The following PRKG2 variants were observed in gnomAD, a reference collection of about 807,000 sequenced individuals.
PRKG2 encodes the protein cGMP-dependent protein kinase 2.
Under a neutral mutation model 97.2 loss-of-function variants are expected in PRKG2, and 33 were observed. The ratio of observed to expected loss-of-function variants is 0.34; its 90% confidence interval spans 0.26 to 0.45. The LOEUF is 0.45. Among genes scored for constraint, PRKG2 ranks in the 20% least tolerant of loss-of-function variants. The probability of loss-of-function intolerance (pLI) is 1.00; values close to 1 mark genes in which losing one functional copy is unlikely to be tolerated. For missense variants in PRKG2, 638 were observed against 900.0 expected (o/e 0.71, Z 3.73); for synonymous variants, 330 against 321.8 (o/e 1.03, Z -0.27).
At chr4:81,204,531 C>T in intron 2 of PRKG2, 56 bp downstream of exon 2, 2 of 1,471,056 alleles carry the variant, frequency 1.4e-6, no homozygotes, top group South Asian at 2.6e-5. Flanking sequence ...AAATGTCACT[C>T]TCATATTTCA....
In PRKG2 at chr4:81,215,134, T is replaced by G. The variant is rs557153598; in HGVS notation, c.-212A>C. The G allele has an allele frequency of 6.6e-6, 1 of 152,478 alleles. No homozygotes were observed. The highest frequency in any genetic ancestry group is 2.4e-5 in the African/African-American group (1 of 41,564). The allele number at this position is 152,478 out of a possible 1,614,324, so 9.4% of individuals were successfully genotyped here. A position where few individuals can be genotyped will look rare whatever the true frequency, so the allele number is the denominator to read the frequency against. On this transcript the variant is annotated 5_prime_UTR_variant, in exon 1 of 19. Coordinates refer to ENST00000264399, the MANE Select transcript of PRKG2 (RefSeq NM_006259.3). ...TGCCGGCTCAGTCGCTCCGGCTACG[T>G]GTGAGCCGGGGGCGCGGGTTAGCGC...
At chr4:81,096,393 A>T (rs561215891) in intron 17 of PRKG2, among the ~76,000 whole-genome samples, 34 of 152,172 alleles carry the variant, frequency 2.2e-4, no homozygotes, top group African/African-American at 7.5e-4. Context: ...AAAATTATCC[A>T]GACATGGTGG....
chr4:81,165,929 A>C (rs1256493206), intron 6 of PRKG2, among the ~76,000 whole-genome samples: 1 of 151,928 alleles, frequency 6.6e-6, no homozygotes, highest in African/African-American at 2.4e-5. Flanking sequence ...CTTGGTTAAC[A>C]AAAAAAACTA....
At chr4:81,101,108 A>G (rs997286948) in intron 17 of PRKG2, among the ~76,000 whole-genome samples, 1 of 151,698 alleles carries the variant, frequency 6.6e-6, no homozygotes, top group Non-Finnish European at 1.5e-5. Flanking sequence ...ACACTTTTAC[A>G]CTGTTGGTGG....
At chr4:81,112,522 A>C (rs1744092273) in intron 14 of PRKG2, among the ~76,000 whole-genome samples, 1 of 152,206 alleles carries the variant, frequency 6.6e-6, no homozygotes, top group Non-Finnish European at 1.5e-5. Flanking sequence ...GGATCACTGG[A>C]AGCTTACCAG....
At chr4:81,169,615 A>G in intron 5 of PRKG2, 48 bp downstream of exon 5, 1 of 1,313,938 alleles carries the variant, frequency 7.6e-7, no homozygotes, top group Non-Finnish European at 1.1e-6. Flanking sequence ...TATATTCACA[A>G]TATGGCGACT....
At chr4:81,120,847 G>T (rs1745007342) in intron 14 of PRKG2, among the ~76,000 whole-genome samples, 1 of 152,174 alleles carries the variant, frequency 6.6e-6, no homozygotes, top group Non-Finnish European at 1.5e-5. Flanking sequence ...GGAGTGGTAA[G>T]AGAAGACATC....
chr4:81,130,222 CTGTT>C (rs1158667397), intron 14 of PRKG2, among the ~76,000 whole-genome samples: 3 of 152,094 alleles, frequency 2.0e-5, no homozygotes, highest in Non-Finnish European at 4.4e-5. Context: ...CTATTCCTTT[CTGTT>C]TGTTAGTTTT....
upstream of PRKG2, among the ~76,000 whole-genome samples, chr4:81,215,886 A>AT (rs368207862): frequency 1.1e-4 from 17 of 150,512 alleles, no homozygotes; most frequent in South Asian, 6.3e-4. Flanking sequence ...TTTTGAGTAC[A>AT]TTTTTTTTTC....
chr4:81,104,087 GA>G (rs1331428551), intron 17 of PRKG2, among the ~76,000 whole-genome samples: 1 of 152,054 alleles, frequency 6.6e-6, no homozygotes, highest in African/African-American at 2.4e-5. Context: ...AATAAAGACA[GA>G]AGTGGATAAA....
At chr4:81,153,615 T>G in intron 7 of PRKG2, 29 bp downstream of exon 7, 2 of 1,506,012 alleles carry the variant, frequency 1.3e-6, no homozygotes, top group African/African-American at 2.8e-5. Flanking sequence ...ATAATCTTTT[T>G]TATTTAGTAA....
intron 6 of PRKG2, 53 bp downstream of exon 6, chr4:81,167,108 G>A (rs777302769): frequency 1.2e-5 from 15 of 1,208,892 alleles, no homozygotes; most frequent in Non-Finnish European, 1.8e-5. Flanking sequence ...AATAATATAA[G>A]TACATTCTAA....
At chr4:81,150,447 G>A (rs575167967) in intron 8 of PRKG2, among the ~76,000 whole-genome samples, 13 of 152,258 alleles carry the variant, frequency 8.5e-5, no homozygotes, top group South Asian at 4.1e-4. Flanking sequence ...ATCACGGTCA[G>A]TGGCCCTAAA....
chr4:81,191,133 C>CAT (rs1156734044), intron 2 of PRKG2, among the ~76,000 whole-genome samples: 1 of 151,968 alleles, frequency 6.6e-6, no homozygotes, highest in African/African-American at 2.4e-5. Flanking sequence ...TACACACACA[C>CAT]GTATGTTTAT....
At chr4:81,161,943 G>T (rs755477490) in intron 6 of PRKG2, among the ~76,000 whole-genome samples, 2 of 151,930 alleles carry the variant, frequency 1.3e-5, no homozygotes, top group Non-Finnish European at 1.5e-5. Context: ...AGGGGGGGTG[G>T]GGCAGGGGAC....
At chr4:81,158,646 C>A (rs866092051) in intron 6 of PRKG2, among the ~76,000 whole-genome samples, 1 of 152,082 alleles carries the variant, frequency 6.6e-6, no homozygotes, top group African/African-American at 2.4e-5. Context: ...CCAAGTCAAT[C>A]CTGAGCCAAA....
chr4:81,217,051 ATATG>A (rs1227995368), upstream of PRKG2, among the ~76,000 whole-genome samples: 2 of 138,670 alleles, frequency 1.4e-5, no homozygotes, highest in Admixed American at 7.1e-5. Flanking sequence ...ATATATATAT[ATATG>A]TGTATATATA....
At chr4:81,164,415 T>C (rs750122404) in intron 6 of PRKG2, among the ~76,000 whole-genome samples, 17 of 151,964 alleles carry the variant, frequency 1.1e-4, no homozygotes, top group Non-Finnish European at 2.4e-4. Context: ...ATTTCAACTT[T>C]CTTATGGCTC....
At chr4:81,174,528 G>A (rs900661291) in intron 3 of PRKG2, among the ~76,000 whole-genome samples, 5 of 151,926 alleles carry the variant, frequency 3.3e-5, no homozygotes, top group African/African-American at 1.2e-4. Context: ...GCCTTACAGG[G>A]TTGGTGAGAA....
Sources: allele counts gnomAD v4.1 joint callset (sites outside exome capture counted in the v4.1 genomes callset), GRCh38; gene constraint gnomAD v4.1.1; transcripts MANE v1.5; gene names NCBI Gene and HGNC (gene_info 2026-07-23, HGNC 2026-07-21).